The following SUPT3H variants were observed in gnomAD, a reference collection of about 807,000 sequenced individuals.
The protein encoded by SUPT3H is SPT3 homolog, SAGA and STAGA complex component.
A neutral mutation model predicts 44.3 loss-of-function variants in SUPT3H; 44 were observed. The ratio of observed to expected loss-of-function variants is 0.99; its 90% CI spans 0.78 to 1.28. The LOEUF is 1.28. Ranked by LOEUF, SUPT3H falls within the 50% of genes most tolerant of loss-of-function variation. The pLI is 0.00. For synonymous variants in SUPT3H, 124 were observed against 125.6 expected, an observed-to-expected ratio of 0.99 and a Z score of 0.09; for missense variants, 380 against 387.1, an observed-to-expected ratio of 0.98 and a Z score of 0.15.
At chr6:45,044,851 G>C (rs1178210501) in intron 3 of SUPT3H, among the ~76,000 whole-genome samples, 1 of 152,110 alleles carries the variant, frequency 6.6e-6, no homozygotes, top group East Asian at 1.9e-4. Context: ...CAACTGAGGA[G>C]TCAATTTTAA....
chr6:45,355,776 T>C (rs767870585), intron 2 of SUPT3H, among the ~76,000 whole-genome samples: 5 of 152,304 alleles, frequency 3.3e-5, no homozygotes, highest in African/African-American at 1.2e-4. Context: ...AAAAATACTA[T>C]CAGTGCTTGA....
chr6:45,174,489 G>A (rs1026549276), intron 2 of SUPT3H, among the ~76,000 whole-genome samples: 7 of 152,042 alleles, frequency 4.6e-5, no homozygotes, highest in East Asian at 3.9e-4. Flanking sequence ...CAGACCATGC[G>A]GCAGGTTAAG....
chr6:44,993,891 C>T (rs1780927901), intron 6 of SUPT3H, among the ~76,000 whole-genome samples: 1 of 152,012 alleles, frequency 6.6e-6, no homozygotes. Flanking sequence ...TTCAATGCAC[C>T]CTAGCCCTTT....
chr6:44,850,524 T>C (rs1461645715), intron 10 of SUPT3H, among the ~76,000 whole-genome samples: 1 of 152,058 alleles, frequency 6.6e-6, no homozygotes, highest in Non-Finnish European at 1.5e-5. Context: ...TATTAGATCA[T>C]CAAGTCTGTC....
In SUPT3H at chr6:44,914,177, A is replaced by ACATATTAC. The variant is rs1767473913; in HGVS notation, c.912+18468_912+18475dup. Among the ~76,000 whole-genome samples, 3 of 152,332 alleles carry ACATATTAC rather than the reference A, an allele frequency of 2.0e-5. No individual in the cohort carries two copies. In the South Asian group the frequency reaches 6.2e-4, roughly 32 times the overall value. ...TAACCATGAAGATTAAATGTTTTAT[A>ACATATTAC]CATATTACCTAGTCACCTAAAAGCC... is the stretch of plus-strand genomic sequence containing the variant. On this transcript the variant is annotated intron_variant, in intron 10 of 10. Coordinates refer to ENST00000371459, the MANE Select transcript of SUPT3H (RefSeq NM_003599.4).
intron 2 of SUPT3H, among the ~76,000 whole-genome samples, chr6:45,348,551 T>C (rs568984508): frequency 3.7e-4 from 55 of 147,592 alleles, no homozygotes; most frequent in Admixed American, 8.9e-4. Flanking sequence ...GGCGCATGCC[T>C]GTAGTCCCAG....
chr6:45,356,176 C>T (rs1333716184), intron 2 of SUPT3H, among the ~76,000 whole-genome samples: 1 of 151,862 alleles, frequency 6.6e-6, no homozygotes, highest in Non-Finnish European at 1.5e-5. Flanking sequence ...CTAATGACTA[C>T]AACAACATTT....
chr6:45,219,078 C>T (rs948045391), intron 2 of SUPT3H, among the ~76,000 whole-genome samples: 2 of 151,886 alleles, frequency 1.3e-5, no homozygotes, highest in African/African-American at 4.8e-5. Context: ...AGACAACACA[C>T]CAAAATATGT....
chr6:44,870,132 G>A (rs1776133664), intron 10 of SUPT3H, among the ~76,000 whole-genome samples: 1 of 152,044 alleles, frequency 6.6e-6, no homozygotes, highest in African/African-American at 2.4e-5. Flanking sequence ...ATTTAACTTT[G>A]ATCTGGCAAA....
At position 45,068,365 on chromosome 6, in the gene SUPT3H, A is replaced by G. The variant is rs960194702; in HGVS notation, c.186+37557T>C. 6.2e-4 allele frequency among the ~76,000 whole-genome samples: 88 copies of G among 142,938 alleles called. 1 individual carries two copies. Among genetic ancestry groups the G allele is most frequent in the Admixed American group, 6.0e-3 (86 of 14,294 alleles). 93.8% of individuals were successfully genotyped at this position (142,938 alleles called of 152,430 possible). On this transcript the variant is annotated intron_variant, in intron 3 of 10. Transcript: ENST00000371459. The stretch of plus-strand genomic sequence containing the variant: ...CATTGGGAGATATACCTAATGCTAG[A>G]TGACGAGTTAGTGGGTGCAGCACAC...
At position 45,300,445 on chromosome 6, in the gene SUPT3H, G is replaced by A. The variant is rs75420079; in HGVS notation, c.101+64756C>T. ...TAACAAGCATTGGTGAGCATGTGGAGAATCAAAATACTAATACTTCAAAAT... is the reference window on the plus strand; with the variant it reads ...TAACAAGCATTGGTGAGCATGTGGAAAATCAAAATACTAATACTTCAAAAT... On this transcript the variant is annotated intron_variant, in intron 2 of 10. Transcript: ENST00000371459. 2.2e-3 allele frequency among the ~76,000 whole-genome samples: 333 copies of A among 152,254 alleles called. 1 individual carries two copies. The highest frequency in any genetic ancestry group is 7.5e-3 in the African/African-American group (311 of 41,550).
At chr6:45,231,256 T>A (rs1281626633) in intron 2 of SUPT3H, among the ~76,000 whole-genome samples, 1 of 152,204 alleles carries the variant, frequency 6.6e-6, no homozygotes, top group Non-Finnish European at 1.5e-5. Context: ...TAGGACTCCC[T>A]TGAATATTTC....
rs113013834 is a variant in SUPT3H at position 45,256,437 on chromosome 6, G to C, written c.101+108764C>G. 5.3e-3 allele frequency among the ~76,000 whole-genome samples: 801 copies of C among 152,122 alleles called. 12 individuals are homozygous for C. The highest frequency in any genetic ancestry group is 0.019 in the African/African-American group (769 of 41,516). ...GCTCCCTCAAGCCTCTTTTATAAGG[G>C]TATTAATCTCATCGATGAGGGCAGA... On this transcript the variant is annotated intron_variant, in intron 2 of 10. Transcript: ENST00000371459.
At chr6:45,164,357 T>A (rs904797155) in intron 2 of SUPT3H, among the ~76,000 whole-genome samples, 1 of 152,190 alleles carries the variant, frequency 6.6e-6, no homozygotes, top group Non-Finnish European at 1.5e-5. Flanking sequence ...TGTGGGTGTA[T>A]GTGTGTTTGT....
chr6:45,278,603 A>G (rs1777418364), intron 2 of SUPT3H, among the ~76,000 whole-genome samples: 1 of 152,232 alleles, frequency 6.6e-6, no homozygotes, highest in Non-Finnish European at 1.5e-5. Context: ...AGCCACTAAC[A>G]GTAGCTTACA....
chr6:45,176,797 A>AC (rs556982665), intron 2 of SUPT3H, among the ~76,000 whole-genome samples: 3 of 152,256 alleles, frequency 2.0e-5, no homozygotes, highest in Non-Finnish European at 2.9e-5. Flanking sequence ...ACTAGGAGGC[A>AC]CCCCCAGCAG....
chr6:44,895,254 G>T (rs951733452), intron 10 of SUPT3H, among the ~76,000 whole-genome samples: 6 of 119,310 alleles, frequency 5.0e-5, no homozygotes, highest in South Asian at 2.8e-4. Context: ...ACTTAGTCTT[G>T]TTTTTTTTTT....
chr6:45,067,752 A>T (rs1793628194), intron 3 of SUPT3H, among the ~76,000 whole-genome samples: 2 of 145,352 alleles, frequency 1.4e-5, no homozygotes, highest in African/African-American at 5.3e-5. Context: ...GCAAATCAAA[A>T]CCACTATGAG....
intron 2 of SUPT3H, among the ~76,000 whole-genome samples, chr6:45,324,050 C>T (rs181914400): frequency 6.6e-6 from 1 of 152,086 alleles, no homozygotes; most frequent in African/African-American, 2.4e-5. Context: ...CTGCTTTAGT[C>T]TAGCCACATC....
Sources: gnomAD v4.1 joint callset for allele counts (sites outside exome capture counted in the v4.1 genomes callset) on GRCh38, gnomAD v4.1.1 for gene constraint, MANE v1.5 for transcripts, NCBI Gene and HGNC (gene_info 2026-07-23, HGNC 2026-07-21) for gene names.